DLC1: variants seen among roughly 807,000 people sequenced by gnomAD.
DLC1 encodes rho GTPase-activating protein 7.
A neutral mutation model predicts 140.3 loss-of-function variants in DLC1; 54 were observed. The ratio of observed to expected loss-of-function variants is 0.38; its 90% confidence interval spans 0.31 to 0.48. The LOEUF (loss-of-function observed/expected upper bound fraction) is 0.48. Ranked by LOEUF, DLC1 falls within the 20% of genes least tolerant of loss-of-function variation. The pLI is 0.96. For missense variants in DLC1, 2,536 were observed against 1,907.0 expected (o/e 1.33, Z -6.14); for synonymous variants, 986 against 728.1 (o/e 1.35, Z -5.70).
intron 5 of DLC1, among the ~76,000 whole-genome samples, chr8:13,141,465 A>T (rs1822988555): frequency 6.6e-6 from 1 of 152,112 alleles, no homozygotes; most frequent in African/African-American, 2.4e-5. Context: ...TAAGATGGCT[A>T]TTTTCAGCCT....
chr8:13,328,079 A>G (rs571122020), intron 4 of DLC1, among the ~76,000 whole-genome samples: 16 of 152,340 alleles, frequency 1.1e-4, no homozygotes, highest in Admixed American at 3.3e-4. Context: ...AGGGAGCACA[A>G]GATGATGCTG....
At chr8:13,530,970 T>C (rs1325205155) in intron 1 of DLC1, among the ~76,000 whole-genome samples, 1 of 152,198 alleles carries the variant, frequency 6.6e-6, no homozygotes, top group Non-Finnish European at 1.5e-5. Flanking sequence ...TTGGAGATGA[T>C]GCATTTGGGA....
chr8:13,459,943 TG>T (rs1799583818), intron 2 of DLC1, among the ~76,000 whole-genome samples: 1 of 152,164 alleles, frequency 6.6e-6, no homozygotes, highest in African/African-American at 2.4e-5. Context: ...GTGTGTATTG[TG>T]CCGGGAAGGA....
At position 13,102,773 on chromosome 8, in the gene DLC1, G is replaced by A. The variant is rs559754767; in HGVS notation, c.1566+17C>T. 4 of 1,608,772 alleles carry A rather than the reference G, an allele frequency of 2.5e-6. No homozygotes were observed. The highest frequency in any genetic ancestry group is 2.2e-5 in the South Asian group (2 of 90,366). ...CCCCTTTTCCCCCTCATTCTATTAT[G>A]CAATTTGTATACTCACTCGTTTCCG... is the stretch of plus-strand genomic sequence containing the variant. On this transcript the variant is annotated intron_variant, in intron 8 of 17. Coordinates refer to ENST00000276297, the MANE Select transcript of DLC1 (RefSeq NM_182643.3).
chr8:13,267,781 T>C, intron 5 of DLC1, among the ~76,000 whole-genome samples: 1 of 151,140 alleles, frequency 6.6e-6, no homozygotes, highest in East Asian at 1.9e-4. Context: ...TGCAATTGCC[T>C]AGATGTGCTC....
chr8:13,189,206 T>C (rs1826599302), intron 5 of DLC1, among the ~76,000 whole-genome samples: 1 of 152,188 alleles, frequency 6.6e-6, no homozygotes, highest in Non-Finnish European at 1.5e-5. Flanking sequence ...TAAAATAGCC[T>C]CTTCCTGTTA....
At chr8:13,570,562 T>C (rs1051596465) in intron 1 of DLC1, among the ~76,000 whole-genome samples, 6 of 148,020 alleles carry the variant, frequency 4.1e-5, no homozygotes, top group African/African-American at 1.5e-4. Context: ...TTTTTGTTCT[T>C]GCGATAGTTT....
At chr8:13,539,776 G>GCA (rs1803423781) in intron 1 of DLC1, among the ~76,000 whole-genome samples, 1 of 150,816 alleles carries the variant, frequency 6.6e-6, no homozygotes, top group Non-Finnish European at 1.5e-5. Context: ...GTGTGTGTGT[G>GCA]TACATTTTAT....
chr8:13,109,760 C>G (rs1819914310), intron 7 of DLC1, among the ~76,000 whole-genome samples: 1 of 151,780 alleles, frequency 6.6e-6, no homozygotes, highest in Admixed American at 6.6e-5. Flanking sequence ...TGGTGGGCGC[C>G]TGTAATCCTA....
rs779749179 is a variant in DLC1, at chr8:13,499,313, T to C, written c.759A>G (p.Val253=). 3 of 1,614,092 alleles carry C rather than the reference T, an allele frequency of 1.9e-6. No homozygotes were observed. Among genetic ancestry groups the C allele is most frequent in the East Asian group, 4.5e-5 (2 of 44,874 alleles). ...DENERSTCNV[V]QNEFLDTPCT... ...AAGGAGTATCCAAGAACTCATTTTGTACTACATTGCAGGTGCTTCTTTCAT... is the reference window on the plus strand; with the variant it reads ...AAGGAGTATCCAAGAACTCATTTTGCACTACATTGCAGGTGCTTCTTTCAT... The change falls in exon 2 of 18, where the codon GTA becomes GTG. Residue 253 remains valine (V), a synonymous_variant. Coordinates refer to ENST00000276297, the MANE Select transcript of DLC1 (RefSeq NM_182643.3).
chr8:13,547,509 T>G (rs372500907), intron 1 of DLC1, among the ~76,000 whole-genome samples: 6 of 152,086 alleles, frequency 3.9e-5, no homozygotes, highest in African/African-American at 1.4e-4. Flanking sequence ...GGCACCAGGA[T>G]AATGATTCTC....
At chr8:13,214,589 A>C in intron 5 of DLC1, 1 of 635,410 alleles carries the variant, frequency 1.6e-6, no homozygotes, top group Non-Finnish European at 2.9e-6. Context: ...CTGCCCGAGG[A>C]AATTGGAGTG....
At chr8:13,229,909 A>G (rs773973631) in intron 5 of DLC1, among the ~76,000 whole-genome samples, 1 of 152,252 alleles carries the variant, frequency 6.6e-6, no homozygotes, top group Non-Finnish European at 1.5e-5. Flanking sequence ...ATTTAGTCCC[A>G]TGTGGACCAA....
intron 1 of DLC1, 85 bp from the exon 2 acceptor site, chr8:13,500,281 T>C (rs551287115): frequency 4.2e-6 from 2 of 473,898 alleles, no homozygotes; most frequent in African/African-American, 1.9e-5. Flanking sequence ...ACTTAATCTA[T>C]GCTATCAAAG....
chr8:13,349,570 C>G (rs1834539046), intron 4 of DLC1, among the ~76,000 whole-genome samples: 1 of 152,174 alleles, frequency 6.6e-6, no homozygotes, highest in Admixed American at 6.5e-5. Context: ...TTAGAGTGTT[C>G]CCTTCCAGCC....
intron 2 of DLC1, among the ~76,000 whole-genome samples, chr8:13,448,146 G>A (rs1798871153): frequency 6.6e-6 from 1 of 152,130 alleles, no homozygotes. Flanking sequence ...CGGTGATTAT[G>A]GCTGGGAAAG....
chr8:13,432,468 A>G (rs1477337693), intron 2 of DLC1, among the ~76,000 whole-genome samples: 1 of 152,230 alleles, frequency 6.6e-6, no homozygotes, highest in Non-Finnish European at 1.5e-5. Context: ...TAATCGTACA[A>G]TATTATAACT....
intron 2 of DLC1, among the ~76,000 whole-genome samples, chr8:13,419,151 G>T (rs141502008): frequency 0.026 from 3,934 of 152,130 alleles, 79 homozygotes; most frequent in South Asian, 0.073. Flanking sequence ...ACAATCATGT[G>T]GTCTGCAAAC....
At chr8:13,358,802 C>G (rs1023378149) in intron 4 of DLC1, among the ~76,000 whole-genome samples, 1 of 152,120 alleles carries the variant, frequency 6.6e-6, no homozygotes, top group Non-Finnish European at 1.5e-5. Flanking sequence ...TTTACTTTCT[C>G]TTTAGGTATA....
Sources: allele counts gnomAD v4.1 joint callset (sites outside exome capture counted in the v4.1 genomes callset), GRCh38; gene constraint gnomAD v4.1.1; transcripts MANE v1.5; gene names NCBI Gene and HGNC (gene_info 2026-07-23, HGNC 2026-07-21).